Variants in CSGALNACT1 observed in about 807,000 individuals in gnomAD.
The protein encoded by CSGALNACT1 is beta4GalNAcT-1.
A neutral mutation model predicts 51.0 loss-of-function variants in CSGALNACT1; 52 were observed. The ratio of observed to expected loss-of-function variants is 1.02; its 90% confidence interval spans 0.82 to 1.29. The LOEUF (loss-of-function observed/expected upper bound fraction) is 1.29, where lower values mean the gene tolerates loss of function less well. CSGALNACT1 is among the 50% of genes most tolerant of loss of function. The pLI, the probability that CSGALNACT1 is intolerant of heterozygous loss-of-function variation, is 0.00. For synonymous variants in CSGALNACT1, 341 were observed against 254.4 expected (o/e 1.34, Z -3.24); for missense variants, 935 against 679.2 (o/e 1.38, Z -4.19).
At chr8:19,415,597 G>T (rs993183274) in intron 8 of CSGALNACT1, among the ~76,000 whole-genome samples, 1 of 152,066 alleles carries the variant, frequency 6.6e-6, no homozygotes, top group South Asian at 2.1e-4. Flanking sequence ...GATTCCCTTC[G>T]CAACTCCTAC....
At chr8:19,514,714 TC>T (rs1212723866) in intron 3 of CSGALNACT1, among the ~76,000 whole-genome samples, 3 of 148,762 alleles carry the variant, frequency 2.0e-5, no homozygotes, top group African/African-American at 7.4e-5. Flanking sequence ...ATGCCTGTAG[TC>T]CCAGCTGCTT....
chr8:19,422,730 C>G (rs2058141426), intron 6 of CSGALNACT1, among the ~76,000 whole-genome samples: 1 of 152,170 alleles, frequency 6.6e-6, no homozygotes, highest in Non-Finnish European at 1.5e-5. Context: ...CTGCGAGCAC[C>G]TTCATGTCTC....
intron 5 of CSGALNACT1, among the ~76,000 whole-genome samples, chr8:19,447,416 C>T (rs1394760534): frequency 6.6e-6 from 1 of 152,132 alleles, no homozygotes; most frequent in African/African-American, 2.4e-5. Context: ...ATAGAATGGG[C>T]AGATATGATG....
At position 19,500,046 on chromosome 8, in the gene CSGALNACT1, A is replaced by T. The variant is rs376818532; in HGVS notation, c.634+5155T>A. Among the ~76,000 whole-genome samples the T allele has an allele frequency of 3.9e-5, 6 of 152,310 alleles. No individual in the cohort carries two copies. The East Asian group carries it at 9.6e-4, about 24-fold the overall frequency. ...GAATGAAAAGCATTTATCCTTCCTT[A>T]TAGGGACTTAAAGCATCAGCAAACG... On this transcript the variant is annotated intron_variant, in intron 4 of 9. Transcript: ENST00000454498.
intron 1 of CSGALNACT1, among the ~76,000 whole-genome samples, chr8:19,712,714 C>G (rs2062582871): frequency 6.6e-6 from 1 of 152,230 alleles, no homozygotes; most frequent in South Asian, 2.1e-4. Context: ...AGCACCAGAA[C>G]ACAACAGAAC....
chr8:19,699,304 T>C (rs746844950), intron 1 of CSGALNACT1, among the ~76,000 whole-genome samples: 1 of 152,238 alleles, frequency 6.6e-6, no homozygotes, highest in Non-Finnish European at 1.5e-5. Context: ...CCCAAAAGAA[T>C]TGAAAGCAGG....
intron 5 of CSGALNACT1, among the ~76,000 whole-genome samples, chr8:19,451,544 A>G (rs573069780): frequency 6.6e-6 from 1 of 152,112 alleles, no homozygotes; most frequent in Admixed American, 6.5e-5. Context: ...CACCCCAAGC[A>G]CCGTTCTAGA....
At chr8:19,620,151 A>G (rs767556740) in intron 1 of CSGALNACT1, among the ~76,000 whole-genome samples, 38 of 152,024 alleles carry the variant, frequency 2.5e-4, no homozygotes, top group Non-Finnish European at 5.0e-4. Flanking sequence ...CGTCTCTACT[A>G]AAAATACAAA....
intron 1 of CSGALNACT1, among the ~76,000 whole-genome samples, chr8:19,632,144 G>C (rs539372459): frequency 4.5e-4 from 69 of 152,304 alleles, no homozygotes; most frequent in African/African-American, 1.7e-3. Flanking sequence ...CCAAATTCTT[G>C]AAGAAAGAGA....
At chr8:19,567,363 C>T (rs757990298) in intron 3 of CSGALNACT1, among the ~76,000 whole-genome samples, 4 of 152,124 alleles carry the variant, frequency 2.6e-5, no homozygotes, top group Non-Finnish European at 5.9e-5. Flanking sequence ...AAAGTCAATC[C>T]AAAATATTAT....
chr8:19,592,169 A>G (rs2154134300), intron 2 of CSGALNACT1, among the ~76,000 whole-genome samples: 1 of 152,356 alleles, frequency 6.6e-6, no homozygotes, highest in East Asian at 1.9e-4. Flanking sequence ...ACTAAATGCA[A>G]TCCCTGATGT....
In CSGALNACT1 at chr8:19,514,475, CTATATATATATATATATATATA is replaced by C. The variant is rs33928915; in HGVS notation, c.-296-8367_-296-8346del. 1.7e-3 allele frequency among the ~76,000 whole-genome samples: 132 copies of C among 78,816 alleles called. 8 individuals are homozygous for C. Among genetic ancestry groups the C allele is most frequent in the African/African-American group, 6.5e-3 (109 of 16,742 alleles). The allele number at this position is 78,816 out of a possible 152,430, so 51.7% of individuals were successfully genotyped here. On this transcript the variant is annotated intron_variant, in intron 3 of 9. Transcript: ENST00000454498. ...GCATCATATGACTTTTGAACAGAGA[CTATATATATATATATATATATA>C]TATATATATATATACATGTATCTAT... is the stretch of plus-strand genomic sequence containing the variant.
chr8:19,629,741 C>G (rs929594632), intron 1 of CSGALNACT1, among the ~76,000 whole-genome samples: 16 of 152,162 alleles, frequency 1.1e-4, no homozygotes, highest in Non-Finnish European at 1.6e-4. Flanking sequence ...ACATCAGCTC[C>G]AAATCCACTC....
intron 3 of CSGALNACT1, among the ~76,000 whole-genome samples, chr8:19,506,741 A>G (rs529472460): frequency 6.6e-6 from 1 of 150,716 alleles, no homozygotes; most frequent in East Asian, 2.0e-4. Context: ...CTCTATCCCC[A>G]CTCCCTCCTG....
intron 3 of CSGALNACT1, among the ~76,000 whole-genome samples, chr8:19,516,378 C>T (rs2079530828): frequency 6.6e-6 from 1 of 152,158 alleles, no homozygotes; most frequent in Non-Finnish European, 1.5e-5. Flanking sequence ...CAACCCGCTT[C>T]ATAATCTCAA....
chr8:19,750,043 C>T (rs1293522764), intron 1 of CSGALNACT1, among the ~76,000 whole-genome samples: 1 of 152,198 alleles, frequency 6.6e-6, no homozygotes, highest in African/African-American at 2.4e-5. Context: ...GAAATGGTCA[C>T]TTATATCCCC....
chr8:19,536,166 A>T (rs1290584773), intron 3 of CSGALNACT1, among the ~76,000 whole-genome samples: 1 of 152,226 alleles, frequency 6.6e-6, no homozygotes, highest in East Asian at 1.9e-4. Flanking sequence ...CATAATGTAA[A>T]CTATAAACTT....
In CSGALNACT1 at chr8:19,406,191, C is replaced by T. The variant is rs142326370; in HGVS notation, c.1310-122G>A. 257 of 1,141,414 alleles carry T rather than the reference C, an allele frequency of 2.3e-4. 2 individuals carry two copies. In the African/African-American group the frequency reaches 3.0e-3, roughly 13 times the overall value. 70.7% of individuals were successfully genotyped at this position (1,141,414 alleles called of 1,614,324 possible). A position where few individuals can be genotyped will look rare whatever the true frequency, so the allele number is the denominator to read the frequency against. ...GGGGGGATGCGTGCTTCACCACCAC[C>T]CCTCCAAGGTACGAGAGTGTCCACC... On this transcript the variant is annotated intron_variant, in intron 9 of 9. Transcript: ENST00000454498.
intron 5 of CSGALNACT1, among the ~76,000 whole-genome samples, chr8:19,448,292 G>A (rs1446044387): frequency 6.6e-6 from 1 of 152,204 alleles, no homozygotes; most frequent in African/African-American, 2.4e-5. Context: ...ACCTTTGGGT[G>A]CAATTAATTA....
Sources: gnomAD v4.1 joint callset for allele counts (sites outside exome capture counted in the v4.1 genomes callset) on GRCh38, gnomAD v4.1.1 for gene constraint, MANE v1.5 for transcripts, NCBI Gene and HGNC (gene_info 2026-07-23, HGNC 2026-07-21) for gene names.